The following DPYS variants were observed in gnomAD, a reference collection of about 807,000 sequenced individuals.
DPYS encodes dihydropyrimidinase, also known as dihydropyrimidine amidohydrolase.
A neutral mutation model predicts 50.3 loss-of-function variants in DPYS; 39 were observed. The ratio of observed to expected loss-of-function variants is 0.78; its 90% CI spans 0.60 to 1.01. DPYS has a LOEUF of 1.01. DPYS is among the 50% of genes least tolerant of loss of function. The pLI is 0.00. For synonymous variants in DPYS, 245 were observed against 250.7 expected, an observed-to-expected ratio of 0.98 and a Z score of 0.22; for missense variants, 659 against 680.9, an observed-to-expected ratio of 0.97 and a Z score of 0.36.
intron 1 of DPYS, among the ~76,000 whole-genome samples, chr8:104,465,981 G>GCT (rs1202909516): frequency 1.3e-5 from 2 of 151,320 alleles, no homozygotes; most frequent in African/African-American, 4.9e-5. Context: ...AGGCTGCGTT[G>GCT]GTGTGTGTGA....
intron 1 of DPYS, 37 bp downstream of exon 1, chr8:104,466,620 T>C: frequency 6.7e-7 from 1 of 1,495,598 alleles, no homozygotes; most frequent in Non-Finnish European, 8.9e-7. Context: ...CGAGCCTCCG[T>C]GGGTACCGCG....
At chr8:104,466,561 C>G in intron 1 of DPYS, 96 bp downstream of exon 1, 1 of 1,330,096 alleles carries the variant, frequency 7.5e-7, no homozygotes, top group Non-Finnish European at 9.7e-7. Flanking sequence ...GGCGCCGCGC[C>G]GCGCGAGGCG....
At chr8:104,449,886 A>G (rs569060181) in intron 2 of DPYS, among the ~76,000 whole-genome samples, 6 of 152,324 alleles carry the variant, frequency 3.9e-5, no homozygotes, top group Non-Finnish European at 8.8e-5. Flanking sequence ...GTGAGGCAGT[A>G]AATGTCTGTT....
intron 4 of DPYS, among the ~76,000 whole-genome samples, chr8:104,433,288 A>G (rs1254927975): frequency 6.6e-6 from 1 of 152,106 alleles, no homozygotes; most frequent in Non-Finnish European, 1.5e-5. Flanking sequence ...ACACTCCACA[A>G]ACGTTAGTTT....
intron 8 of DPYS, among the ~76,000 whole-genome samples, chr8:104,386,273 C>T (rs544750100): frequency 7.2e-5 from 11 of 152,230 alleles, no homozygotes; most frequent in African/African-American, 2.6e-4. Context: ...TGGCTCACAC[C>T]TATAATCCAA....
At position 104,379,669 on chromosome 8, in the gene DPYS, CA is replaced by C; in HGVS notation, c.*188del. On this transcript the variant is annotated 3_prime_UTR_variant, in exon 10 of 10. Coordinates refer to ENST00000351513, the MANE Select transcript of DPYS (RefSeq NM_001385.3). ...AATTTATACCTTCAATCTTATGCAG[CA>C]ACAAAAACACAGTGAGAAAGACAGC... 1 of 375,218 alleles carries C rather than the reference CA, an allele frequency of 2.7e-6. No individual in the cohort carries two copies. The highest frequency in any genetic ancestry group is 5.3e-6 in the Non-Finnish European group (1 of 189,002). 23.2% of individuals were successfully genotyped at this position (375,218 alleles called of 1,614,324 possible). A position where few individuals can be genotyped will look rare whatever the true frequency, so the allele number is the denominator to read the frequency against.
chr8:104,425,554 C>A (rs535172195), intron 6 of DPYS, among the ~76,000 whole-genome samples: 1 of 151,786 alleles, frequency 6.6e-6, no homozygotes, highest in Non-Finnish European at 1.5e-5. Flanking sequence ...TTCGGGAGGC[C>A]GAGGCAATCC....
rs566117683 is a variant in DPYS, at chr8:104,410,500, A to T, written c.1235+13747T>A. On this transcript the variant is annotated intron_variant, in intron 7 of 9. Transcript: ENST00000351513. Reference sequence around the variant, plus strand: ...TTAAACTGAGAGCGCTTCCAAGGACATGGGAGTTTCAGTGCTAAAACTGGG... The same window carrying T: ...TTAAACTGAGAGCGCTTCCAAGGACTTGGGAGTTTCAGTGCTAAAACTGGG... Among the ~76,000 whole-genome samples the T allele has an allele frequency of 2.0e-4, 30 of 152,246 alleles. 1 individual carries two copies. The highest frequency in any genetic ancestry group is 7.2e-4 in the African/African-American group (30 of 41,550).
At chr8:104,459,149 T>C (rs564329424) in intron 1 of DPYS, among the ~76,000 whole-genome samples, 73 of 152,320 alleles carry the variant, frequency 4.8e-4, no homozygotes, top group African/African-American at 1.7e-3. Context: ...CAAAGCAGTG[T>C]TGAGGTGTAG....
chr8:104,435,392 C>A (rs979362923), intron 4 of DPYS, among the ~76,000 whole-genome samples: 3 of 152,030 alleles, frequency 2.0e-5, no homozygotes, highest in Non-Finnish European at 4.4e-5. Flanking sequence ...GGGAGAAATG[C>A]CGGATTCCCT....
At chr8:104,454,734 A>G (rs1214132672) in intron 1 of DPYS, among the ~76,000 whole-genome samples, 1 of 152,228 alleles carries the variant, frequency 6.6e-6, no homozygotes, top group Non-Finnish European at 1.5e-5. Flanking sequence ...AAAGGGAGGT[A>G]AAATTTGCTA....
chr8:104,461,901 A>G (rs1814186333), intron 1 of DPYS, among the ~76,000 whole-genome samples: 1 of 152,204 alleles, frequency 6.6e-6, no homozygotes, highest in African/African-American at 2.4e-5. Context: ...GCTGACTCCA[A>G]TCAGTATGCC....
At chr8:104,460,423 C>G (rs1814083074) in intron 1 of DPYS, among the ~76,000 whole-genome samples, 1 of 152,188 alleles carries the variant, frequency 6.6e-6, no homozygotes, top group Non-Finnish European at 1.5e-5. Context: ...TCCCCTTCAC[C>G]TTCTAACATG....
At chr8:104,381,775 C>T (rs952100059) in intron 8 of DPYS, among the ~76,000 whole-genome samples, 3 of 151,854 alleles carry the variant, frequency 2.0e-5, no homozygotes, top group African/African-American at 4.8e-5. Flanking sequence ...AATCTCACCT[C>T]GTTGGTGACC....
chr8:104,448,011 C>T (rs547535484), intron 2 of DPYS, among the ~76,000 whole-genome samples: 1 of 152,336 alleles, frequency 6.6e-6, no homozygotes, highest in East Asian at 1.9e-4. Context: ...AGCTGTAGAG[C>T]CAGCCGTGGT....
chr8:104,414,555 A>G (rs945068884), intron 7 of DPYS, among the ~76,000 whole-genome samples: 2 of 152,186 alleles, frequency 1.3e-5, no homozygotes, highest in Non-Finnish European at 2.9e-5. Context: ...CAGGCCATTA[A>G]AATGCAGGCC....
chr8:104,434,944 A>C (rs1158236459), intron 4 of DPYS, among the ~76,000 whole-genome samples: 2 of 152,240 alleles, frequency 1.3e-5, no homozygotes, highest in Non-Finnish European at 2.9e-5. Context: ...TTTCAGTCAT[A>C]AATGAGAAAC....
chr8:104,381,436 T>TC, intron 8 of DPYS, 122 bp from the exon 9 acceptor site: 1 of 870,466 alleles, frequency 1.1e-6, no homozygotes, highest in Middle Eastern at 3.0e-4. Flanking sequence ...ATCACGTGCC[T>TC]CCCCATCCCC....
chr8:104,429,381 A>G (rs1812867745), intron 5 of DPYS, 164 bp downstream of exon 5: 1 of 733,016 alleles, frequency 1.4e-6, no homozygotes, highest in Non-Finnish European at 2.3e-6. Context: ...AGCATAATTA[A>G]GTCAATGTTT....
Sources: gnomAD v4.1 joint callset for allele counts (sites outside exome capture counted in the v4.1 genomes callset) on GRCh38, gnomAD v4.1.1 for gene constraint, MANE v1.5 for transcripts, NCBI Gene and HGNC (gene_info 2026-07-23, HGNC 2026-07-21) for gene names.